The following WSCD2 variants were observed in gnomAD, a reference collection of about 807,000 sequenced individuals.
WSCD2 encodes the protein sialate:O-sulfotransferase 2.
WSCD2 carries 28 observed loss-of-function variants against 55.7 expected under a neutral mutation model. The ratio of observed to expected loss-of-function variants is 0.50; its 90% CI spans 0.37 to 0.69. The LOEUF is 0.69. Among genes scored for constraint, WSCD2 ranks in the 30% least tolerant of loss-of-function variants. The pLI is 0.00. For synonymous variants in WSCD2, 301 were observed against 301.9 expected (o/e 1.00, Z 0.03); for missense variants, 616 against 762.1 (o/e 0.81, Z 2.26).
intron 1 of WSCD2, among the ~76,000 whole-genome samples, chr12:108,170,314 G>A (rs528666821): frequency 4.6e-5 from 7 of 152,162 alleles, no homozygotes; most frequent in South Asian, 2.1e-4. Context: ...ACAGAGAAAC[G>A]GGAAAATAAG....
At chr12:108,203,453 C>A (rs565081471) in intron 2 of WSCD2, among the ~76,000 whole-genome samples, 1 of 152,234 alleles carries the variant, frequency 6.6e-6, no homozygotes, top group African/African-American at 2.4e-5. Context: ...CAGAATGCAA[C>A]AAATGGGTCA....
intron 1 of WSCD2, among the ~76,000 whole-genome samples, chr12:108,176,134 C>T (rs11610077): frequency 0.073 from 11,171 of 152,236 alleles, 582 homozygotes; most frequent in Non-Finnish European, 0.1. Flanking sequence ...CCACCACGCC[C>T]GGCCTATTGT....
rs1810893434 is a variant in WSCD2 at position 108,129,708 on chromosome 12, C to G, written c.-770C>G. The stretch of plus-strand genomic sequence containing the variant: ...TCCCGCTGGAGGCGCAGAGGATGCC[C>G]CTTGAGCCAGACCTGGAGAAATAGC... On this transcript the variant is annotated 5_prime_UTR_variant, in exon 1 of 9. Transcript: ENST00000547525. The G allele has an allele frequency of 6.6e-6, 1 of 152,390 alleles. No individual in the cohort carries two copies. The highest frequency in any genetic ancestry group is 6.5e-5 in the Admixed American group (1 of 15,290). 9.4% of individuals were successfully genotyped at this position (152,390 alleles called of 1,614,324 possible). A position where few individuals can be genotyped will look rare whatever the true frequency, so the allele number is the denominator to read the frequency against.
At chr12:108,142,989 A>T (rs948778232) in intron 1 of WSCD2, among the ~76,000 whole-genome samples, 7 of 152,042 alleles carry the variant, frequency 4.6e-5, no homozygotes, top group Admixed American at 2.0e-4. Flanking sequence ...TTTTAAAAAA[A>T]TTTTTGCAGA....
chr12:108,240,195 T>A (rs1354512318), intron 7 of WSCD2, 149 bp from the exon 8 acceptor site: 2 of 941,416 alleles, frequency 2.1e-6, no homozygotes. Context: ...CCTAGCACAG[T>A]GCCTGGCACA....
intron 1 of WSCD2, among the ~76,000 whole-genome samples, chr12:108,181,159 A>C (rs1881690074): frequency 1.3e-5 from 2 of 152,266 alleles, no homozygotes; most frequent in African/African-American, 2.4e-5. Flanking sequence ...CCCCTTAGGA[A>C]CCTGACATGC....
intron 1 of WSCD2, among the ~76,000 whole-genome samples, chr12:108,130,478 GTGTGTGTGTGTGTGTGTGTGTGT>G (rs1875383262): frequency 2.1e-5 from 1 of 46,576 alleles, no homozygotes; most frequent in Non-Finnish European, 4.6e-5. Context: ...ATTCTGGGGT[GTGTGTGTGTGTGTGTGTGTGTGT>G]GTGTGTGTGT....
rs1013312259 is a variant in WSCD2, at chr12:108,248,021, C to T, written c.1376C>T (p.Pro459Leu). Residue 459 changes from proline (P) to leucine (L), a missense_variant, in exon 9 of 9, where the codon CCG becomes CTG. By Grantham distance (98) the Pro-to-Leu change is moderately conservative (BLOSUM62 -3). Coordinates refer to ENST00000547525, the MANE Select transcript of WSCD2 (RefSeq NM_014653.4). The surrounding 1 kb of genome is among the most constrained non-coding windows in gnomAD (Gnocchi z 4.3). ...CCAGAGTTCGTGAGGAACTATGCCC[C>T]GTGGTGGGCCACTCACACACTGGAC... Reference protein sequence around the residue: ...EWPEFVRNYAPWWATHTLDWL... With the variant: ...EWPEFVRNYALWWATHTLDWL... 1.1e-5 allele frequency: 17 copies of T among 1,613,996 alleles called. No homozygotes were observed. Among genetic ancestry groups the T allele is most frequent in the South Asian group, 3.3e-5 (3 of 91,064 alleles).
At chr12:108,165,145 A>G (rs1442487537) in intron 1 of WSCD2, among the ~76,000 whole-genome samples, 1 of 152,180 alleles carries the variant, frequency 6.6e-6, no homozygotes, top group African/African-American at 2.4e-5. Context: ...GTGGGTTGGC[A>G]GGGTCTGATT....
intron 1 of WSCD2, among the ~76,000 whole-genome samples, chr12:108,152,781 C>G (rs1161455098): frequency 3.3e-5 from 5 of 152,150 alleles, no homozygotes; most frequent in African/African-American, 1.2e-4. Context: ...GTGGTTTAAC[C>G]TTTGTGCCTT....
At chr12:108,130,870 G>A (rs1875437100) in intron 1 of WSCD2, among the ~76,000 whole-genome samples, 1 of 152,112 alleles carries the variant, frequency 6.6e-6, no homozygotes, top group South Asian at 2.1e-4. Context: ...TGAGCCCCAT[G>A]CACAGCTCAT....
chr12:108,178,237 G>A (rs776170073), intron 1 of WSCD2, among the ~76,000 whole-genome samples: 1 of 152,038 alleles, frequency 6.6e-6, no homozygotes, highest in Admixed American at 6.6e-5. Context: ...TCTTCATAGC[G>A]TCTTCCCTCT....
chr12:108,132,873 A>G (rs1875747997), intron 1 of WSCD2, among the ~76,000 whole-genome samples: 1 of 152,002 alleles, frequency 6.6e-6, no homozygotes, highest in Non-Finnish European at 1.5e-5. Flanking sequence ...CATGTTTTTT[A>G]ATGTACCTTT....
At chr12:108,135,126 T>TTCCATCCGTCCG (rs776479723) in intron 1 of WSCD2, among the ~76,000 whole-genome samples, 3 of 152,126 alleles carry the variant, frequency 2.0e-5, no homozygotes, top group East Asian at 1.9e-4. Context: ...CCATCCATCC[T>TTCCATCCGTCCG]TCCATCCGTC....
intron 1 of WSCD2, among the ~76,000 whole-genome samples, chr12:108,191,645 C>T (rs1883179546): frequency 6.6e-6 from 1 of 152,174 alleles, no homozygotes; most frequent in Non-Finnish European, 1.5e-5. Context: ...ACTCTTTTTA[C>T]TCATTTTTCT....
chr12:108,194,145 G>A (rs921278459), intron 1 of WSCD2, among the ~76,000 whole-genome samples: 2 of 152,164 alleles, frequency 1.3e-5, no homozygotes, highest in Non-Finnish European at 2.9e-5. Flanking sequence ...TAAAGCTGTG[G>A]TACTCAACTC....
At chr12:108,137,871 A>G (rs1269525603) in intron 1 of WSCD2, among the ~76,000 whole-genome samples, 1 of 152,206 alleles carries the variant, frequency 6.6e-6, no homozygotes, top group Non-Finnish European at 1.5e-5. Flanking sequence ...GTGACATCTA[A>G]CTGTACCTAG....
chr12:108,205,876 G>A (rs1370540349), intron 2 of WSCD2, among the ~76,000 whole-genome samples: 4 of 152,166 alleles, frequency 2.6e-5, no homozygotes, highest in South Asian at 2.1e-4. Context: ...CTAAGTCCAG[G>A]GCACTTTCCA....
intron 1 of WSCD2, among the ~76,000 whole-genome samples, chr12:108,186,323 G>A (rs1306035951): frequency 2.0e-5 from 3 of 152,070 alleles, no homozygotes; most frequent in African/African-American, 7.3e-5. Flanking sequence ...CACCAGAGTG[G>A]TCCCTTTGTT....
Sources: gnomAD v4.1 joint callset for allele counts (sites outside exome capture counted in the v4.1 genomes callset) on GRCh38, gnomAD v4.1.1 for gene constraint, Gnocchi (gnomAD v3.1) non-coding constraint, MANE v1.5 for transcripts, NCBI Gene and HGNC (gene_info 2026-07-23, HGNC 2026-07-21) for gene names.